The following GNPTAB variants were observed in gnomAD, a reference collection of about 807,000 sequenced individuals.
The protein encoded by GNPTAB is N-acetylglucosamine-1-phosphate transferase subunits alpha and beta, also known as N-acetylglucosamine-1-phosphotransferase subunits alpha/beta.
GNPTAB carries 92 observed loss-of-function variants against 136.6 expected under a neutral mutation model. The observed-to-expected ratio is 0.67, with a 90% CI of 0.57 to 0.80. The LOEUF (loss-of-function observed/expected upper bound fraction) is 0.80. Ranked by LOEUF, GNPTAB falls within the 30% of genes least tolerant of loss-of-function variation. The pLI is 0.00. For missense variants in GNPTAB, 1,343 were observed against 1,501.8 expected (o/e 0.89, Z 1.75); for synonymous variants, 512 against 535.1 (o/e 0.96, Z 0.60).
Position 101,766,200 on chromosome 12 carries a change from A to C in GNPTAB, c.1503T>G (p.Ser501Arg). Reference protein sequence around the residue: ...QPWQFGGGINSVSYCNQGCAN... With the variant: ...QPWQFGGGINRVSYCNQGCAN... ...CACATCCCTGATTACAGTAAGAGAC[A>C]CTGTTTATTCCTCCACCAAACTGCC... The change falls in exon 12 of 21, where the codon AGT (serine) becomes AGG (arginine). Residue 501 changes from serine (S) to arginine (R), a missense_variant. By Grantham distance (110) the Ser-to-Arg change is moderately radical. Coordinates refer to ENST00000299314, the MANE Select transcript of GNPTAB (RefSeq NM_024312.5). 1.2e-6 allele frequency: 2 copies of C among 1,614,100 alleles called. No homozygotes were observed. The highest frequency in any genetic ancestry group is 1.7e-6 in the Non-Finnish European group (2 of 1,179,962).
Position 101,820,078 on chromosome 12 carries a change from C to T in GNPTAB, c.117+10481G>A, listed in dbSNP as rs375794256. On this transcript the variant is annotated intron_variant, in intron 1 of 20. Transcript: ENST00000299314. Reference sequence around the variant, plus strand: ...CATGGAAAACAATCCTGAGATGGGACAGTTGGCACTTAATTAGCTGAACGC... The same window carrying T: ...CATGGAAAACAATCCTGAGATGGGATAGTTGGCACTTAATTAGCTGAACGC... Among the ~76,000 whole-genome samples, 7 of 152,334 alleles carry T rather than the reference C, an allele frequency of 4.6e-5. No individual in the cohort carries two copies. The South Asian group carries it at 1.5e-3, about 32-fold the overall frequency.
intron 19 of GNPTAB, among the ~76,000 whole-genome samples, chr12:101,751,592 T>C (rs1330748090): frequency 6.6e-6 from 1 of 152,256 alleles, no homozygotes; most frequent in Non-Finnish European, 1.5e-5. Context: ...TATAGTGGAA[T>C]GTGCAGAGGA....
At chr12:101,757,378 A>G in intron 17 of GNPTAB, 68 bp from the exon 18 acceptor site, 1 of 1,027,280 alleles carries the variant, frequency 9.7e-7, no homozygotes, top group Non-Finnish European at 1.5e-6. Context: ...ACTTCAATAG[A>G]AAATACATTT....
chr12:101,763,942 G>A (rs775351318), intron 13 of GNPTAB, among the ~76,000 whole-genome samples: 9 of 152,064 alleles, frequency 5.9e-5, no homozygotes, highest in Admixed American at 5.2e-4. Flanking sequence ...CTCCAAGTAC[G>A]CCCCTGGCTA....
chr12:101,801,472 G>A (rs184317586), intron 1 of GNPTAB, among the ~76,000 whole-genome samples: 2 of 137,684 alleles, frequency 1.5e-5, no homozygotes, highest in Admixed American at 1.6e-4. Context: ...CCTAGGAGGT[G>A]GAAGTTGCAG....
At chr12:101,791,455 T>C (rs1291147123) in intron 2 of GNPTAB, among the ~76,000 whole-genome samples, 2 of 135,944 alleles carry the variant, frequency 1.5e-5, no homozygotes, top group African/African-American at 5.9e-5. Flanking sequence ...AGATAGTTGA[T>C]GAGCCAAAAA....
intron 1 of GNPTAB, among the ~76,000 whole-genome samples, chr12:101,828,700 C>T (rs1350545856): frequency 6.9e-6 from 1 of 145,812 alleles, no homozygotes; most frequent in Non-Finnish European, 1.5e-5. Flanking sequence ...AAAAAACAAA[C>T]AAAAAAAAAA....
chr12:101,772,929 G>A (rs1019317491), intron 7 of GNPTAB, among the ~76,000 whole-genome samples: 1 of 152,138 alleles, frequency 6.6e-6, no homozygotes, highest in African/African-American at 2.4e-5. Context: ...TGATTCTCCT[G>A]CCTCAGACTC....
intron 1 of GNPTAB, among the ~76,000 whole-genome samples, chr12:101,813,035 G>A (rs1218580153): frequency 6.8e-6 from 1 of 146,528 alleles, no homozygotes; most frequent in Non-Finnish European, 1.5e-5. Flanking sequence ...GTTTCACTAT[G>A]TTGCCCAGGC....
chr12:101,775,119 A>C (rs1407827596), intron 7 of GNPTAB, among the ~76,000 whole-genome samples: 1 of 152,220 alleles, frequency 6.6e-6, no homozygotes, highest in Non-Finnish European at 1.5e-5. Context: ...AAAGGTGGAG[A>C]AAATTTGGTC....
rs112746080 is a variant in GNPTAB, at chr12:101,766,584, G to C, written c.1409-290C>G. Among the ~76,000 whole-genome samples, 913 of 152,286 alleles carry C rather than the reference G, an allele frequency of 6.0e-3. 7 individuals carry two copies. Among genetic ancestry groups the C allele is most frequent in the African/African-American group, 0.021 (872 of 41,548 alleles). ...ACCCGGGAGGCGGAGGTTGCACTGA[G>C]CCAAGATTACACCACTGCACTCCAG... On this transcript the variant is annotated intron_variant, in intron 11 of 20. Transcript: ENST00000299314.
At chr12:101,769,784 G>A (rs1953143948) in intron 10 of GNPTAB, among the ~76,000 whole-genome samples, 1 of 151,338 alleles carries the variant, frequency 6.6e-6, no homozygotes. Flanking sequence ...TATTCCACCG[G>A]GCCCAGATAA....
chr12:101,808,057 TA>T (rs1471194441), intron 1 of GNPTAB, among the ~76,000 whole-genome samples: 30 of 152,220 alleles, frequency 2.0e-4, no homozygotes, highest in Admixed American at 1.0e-3. Context: ...TCTAACAAAA[TA>T]TGTATGAATA....
At chr12:101,775,889 G>T (rs1400024165) in intron 7 of GNPTAB, among the ~76,000 whole-genome samples, 2 of 152,126 alleles carry the variant, frequency 1.3e-5, no homozygotes, top group Admixed American at 6.6e-5. Context: ...TTTGAGGGGG[G>T]CAGAGTCCAT....
intron 1 of GNPTAB, among the ~76,000 whole-genome samples, chr12:101,822,219 C>T (rs1309006597): frequency 6.6e-6 from 1 of 152,176 alleles, no homozygotes; most frequent in Admixed American, 6.5e-5. Context: ...CAAGACCATC[C>T]TGGCTAACAC....
chr12:101,796,802 A>G (rs1411223151), intron 1 of GNPTAB, 40 bp from the exon 2 acceptor site: 12 of 1,249,438 alleles, frequency 9.6e-6, no homozygotes, highest in Admixed American at 1.8e-5. Context: ...CGCATCAAAG[A>G]CTAAGAGTAT....
At chr12:101,816,320 T>C (rs1870507642) in intron 1 of GNPTAB, among the ~76,000 whole-genome samples, 1 of 152,142 alleles carries the variant, frequency 6.6e-6, no homozygotes, top group South Asian at 2.1e-4. Flanking sequence ...AATCAGAATA[T>C]ATAAGGAACT....
chr12:101,822,366 A>G (rs1870855816), intron 1 of GNPTAB, among the ~76,000 whole-genome samples: 1 of 152,216 alleles, frequency 6.6e-6, no homozygotes, highest in Non-Finnish European at 1.5e-5. Context: ...GTGAGCCGAG[A>G]TCGCGCCACT....
intron 3 of GNPTAB, among the ~76,000 whole-genome samples, chr12:101,789,364 A>G (rs1381359222): frequency 6.6e-6 from 1 of 152,246 alleles, no homozygotes; most frequent in African/African-American, 2.4e-5. Flanking sequence ...ATGACTGCCA[A>G]GATCTCGTAA....
Sources: gnomAD v4.1 joint callset for allele counts (sites outside exome capture counted in the v4.1 genomes callset) on GRCh38, gnomAD v4.1.1 for gene constraint, MANE v1.5 for transcripts, NCBI Gene and HGNC (gene_info 2026-07-23, HGNC 2026-07-21) for gene names.